Variants in SNRNP200 observed in about 807,000 individuals in gnomAD.
The protein encoded by SNRNP200 is U5 small nuclear ribonucleoprotein 200 kDa helicase.
In SNRNP200, 66 loss-of-function variants were observed where a neutral mutation model predicts 255.2. That is an observed-to-expected ratio of 0.26 (90% confidence interval 0.21 to 0.32). SNRNP200 has a LOEUF of 0.32. Among genes scored for constraint, SNRNP200 ranks in the 10% least tolerant of loss-of-function variants. The pLI is 1.00. For missense variants in SNRNP200, 1,585 were observed against 2,749.8 expected (o/e 0.58, Z 9.47); for synonymous variants, 939 against 1,027.8 (o/e 0.91, Z 1.65).
In SNRNP200 at chr2:96,298,658, C is replaced by A. The variant is rs1340691670; in HGVS notation, c.927G>T (p.Leu309=). Reference sequence around the variant, plus strand: ...TGAAATCAAAGGTGTTGAAACCAAGCAGCAGAACCAGCTGATTTTCACATT... The same window carrying A: ...TGAAATCAAAGGTGTTGAAACCAAGAAGCAGAACCAGCTGATTTTCACATT... ...DRECENQLVL[L]LGFNTFDFIK... Residue 309 remains leucine (L), a synonymous_variant, in exon 8 of 45, where the codon CTG becomes CTT. Coordinates refer to ENST00000323853, the MANE Select transcript of SNRNP200 (RefSeq NM_014014.5). 1.9e-6 allele frequency: 3 copies of A among 1,614,200 alleles called. No individual in the cohort carries two copies. Among genetic ancestry groups the A allele is most frequent in the Non-Finnish European group, 1.7e-6 (2 of 1,180,036 alleles).
intron 24 of SNRNP200, 137 bp downstream of exon 24, chr2:96,288,526 A>C (rs778271004): frequency 1.3e-6 from 1 of 767,072 alleles, no homozygotes; most frequent in Admixed American, 2.0e-5. Context: ...GCACCAACCA[A>C]CTACCCGGCA....
At position 96,284,391 on chromosome 2, in the gene SNRNP200, C is replaced by T; in HGVS notation, c.4359G>A (p.Val1453=). 6.2e-7 allele frequency: 1 copy of T among 1,614,096 alleles called. No individual in the cohort carries two copies. The highest frequency in any genetic ancestry group is 8.5e-7 in the Non-Finnish European group (1 of 1,179,982). Residue 1453 remains valine, a synonymous_variant, in exon 31 of 45, where the codon GTG becomes GTA. Transcript: ENST00000323853. ...KNVQNINLFV[V]DEVHLIGGEN... is the part of the protein sequence containing the mutation. ...CGCCCCCGATAAGGTGGACCTCATC[C>T]ACCACGAAGAGGTTGATGTTCTGCA...
rs557818805 is a variant in SNRNP200 at position 96,274,681 on chromosome 2, C to G, written c.*331G>C. On this transcript the variant is annotated 3_prime_UTR_variant, in exon 45 of 45. Coordinates refer to ENST00000323853, the MANE Select transcript of SNRNP200 (RefSeq NM_014014.5). ...ATAACCAGATCTTTTTGGCCGTGCCCTCAGGTTGGAGAAAGAAAACTTTTA... is the reference window on the plus strand; with the variant it reads ...ATAACCAGATCTTTTTGGCCGTGCCGTCAGGTTGGAGAAAGAAAACTTTTA... 8.5e-4 allele frequency: 320 copies of G among 374,828 alleles called. No individual in the cohort carries two copies. The highest frequency in any genetic ancestry group is 5.4e-3 in the Middle Eastern group (6 of 1,108). The allele number at this position is 374,828 out of a possible 1,614,324, so 23.2% of individuals were successfully genotyped here.
chr2:96,285,168 G>A lies in SNRNP200; in HGVS notation c.4164+12C>T, dbSNP rs188562252. ...TCTTGGGAAATTCACATGACACAGCGCCACGTCATACCTGCTCTGCCAGGG... is the reference window on the plus strand; with the variant it reads ...TCTTGGGAAATTCACATGACACAGCACCACGTCATACCTGCTCTGCCAGGG... On this transcript the variant is annotated intron_variant, in intron 30 of 44. Coordinates refer to ENST00000323853, the MANE Select transcript of SNRNP200 (RefSeq NM_014014.5). The A allele has an allele frequency of 2.3e-5, 37 of 1,613,740 alleles. No individual in the cohort carries two copies. Among genetic ancestry groups the A allele is most frequent in the African/African-American group, 1.3e-4 (10 of 75,032 alleles).
chr2:96,305,163 A>C (rs943949470), intron 1 of SNRNP200, among the ~76,000 whole-genome samples: 25 of 151,984 alleles, frequency 1.6e-4, no homozygotes, highest in African/African-American at 6.0e-4. Context: ...TGGAAGGGGG[A>C]GGGCTTAGCG....
chr2:96,284,811 G>A, intron 30 of SNRNP200: 1 of 564,102 alleles, frequency 1.8e-6, no homozygotes, highest in Non-Finnish European at 3.2e-6. Flanking sequence ...GTGCAGTGGT[G>A]CGAACTTGGC....
chr2:96,294,364 G>C (rs1445805899), intron 14 of SNRNP200, among the ~76,000 whole-genome samples: 1 of 152,062 alleles, frequency 6.6e-6, no homozygotes, highest in Non-Finnish European at 1.5e-5. Flanking sequence ...CTTGAACCCG[G>C]GAGGCGGAGG....
chr2:96,293,118 A>T (rs760568859), intron 15 of SNRNP200, 23 bp from the exon 16 acceptor site: 2 of 1,614,196 alleles, frequency 1.2e-6, no homozygotes, highest in South Asian at 2.2e-5. Context: ...CAGTTAGACA[A>T]ATGAGGCTTT....
chr2:96,298,060 A>G (rs191988815), intron 9 of SNRNP200, among the ~76,000 whole-genome samples: 68 of 152,348 alleles, frequency 4.5e-4, no homozygotes, highest in Non-Finnish European at 9.7e-4. Flanking sequence ...TAAATAAACA[A>G]TAAAGGTCCC....
Position 96,290,926 on chromosome 2 carries a change from G to T in SNRNP200, c.2422-111C>A. ...GAGCTTCTCTCAGGACTAGCCGGTA[G>T]GGCGCGTGGGGTCCCAGTACTTGTC... is the stretch of plus-strand genomic sequence containing the variant. On this transcript the variant is annotated intron_variant, in intron 18 of 44. Transcript: ENST00000323853. The surrounding 1 kb of genome is among the most constrained non-coding windows in gnomAD (Gnocchi z 4.5). The T allele has an allele frequency of 7.9e-7, 1 of 1,266,858 alleles. No individual in the cohort carries two copies. The highest frequency in any genetic ancestry group is 1.1e-6 in the Non-Finnish European group (1 of 881,286). 78.5% of individuals were successfully genotyped at this position (1,266,858 alleles called of 1,614,324 possible).
rs2063876697 is a variant in SNRNP200 at position 96,290,336 on chromosome 2, T to G, written c.2732A>C (p.Gln911Pro). 6.2e-7 allele frequency: 1 copy of G among 1,613,978 alleles called. No individual in the cohort carries two copies. Among genetic ancestry groups the G allele is most frequent in the Non-Finnish European group, 8.5e-7 (1 of 1,180,036 alleles). The change falls in exon 20 of 45, where the codon CAG (glutamine) becomes CCG (proline). Residue 911 changes from glutamine to proline, a missense_variant. This residue lies in a region of SNRNP200 where 719 missense variants were observed against 1,091.1 expected (regional missense o/e 0.66). Coordinates refer to ENST00000323853, the MANE Select transcript of SNRNP200 (RefSeq NM_014014.5). This position sits in a 1 kb window ranked among gnomAD's most constrained non-coding sequence, Gnocchi z 4.5. ...LNAEIVLGNV[Q>P]NAKDAVNWLG... ...GCAGTCCTCCCCTACCTTGGCATTC[T>G]GGACATTTCCTAGCACGATTTCTGC...
chr2:96,276,754 AC>A (rs777329029), intron 43 of SNRNP200, 149 bp downstream of exon 43: 1 of 852,168 alleles, frequency 1.2e-6, no homozygotes. Flanking sequence ...CAGAAAAAAA[AC>A]CCCATAGCCT....
chr2:96,297,117 A>G (rs754652812), intron 11 of SNRNP200, 47 bp from the exon 12 acceptor site: 2 of 1,613,760 alleles, frequency 1.2e-6, no homozygotes, highest in Non-Finnish European at 1.7e-6. Context: ...AGCATCCTTG[A>G]GCAAAACGTT....
rs770633757 is a variant in SNRNP200, at chr2:96,289,806, T to G, written c.2933A>C (p.Asn978Thr). ...NLVKYDKKTG[N>T]FQVTELGRIA... ...AACCCTCACCCCACGCACCTGGAAG[T>G]TGCCCGTCTTCTTGTCGTACTTGAC... is the stretch of plus-strand genomic sequence containing the variant. Residue 978 changes from asparagine to threonine, a missense_variant, in exon 21 of 45, where the codon AAC becomes ACC. This residue lies in a region of SNRNP200 where 719 missense variants were observed against 1,091.1 expected (regional missense o/e 0.66). Transcript: ENST00000323853. 8 of 1,614,076 alleles carry G rather than the reference T, an allele frequency of 5.0e-6. 1 individual carries two copies. The East Asian group carries it at 1.8e-4, about 36-fold the overall frequency.
At position 96,289,257 on chromosome 2, in the gene SNRNP200, G is replaced by A. The variant is rs150178118; in HGVS notation, c.3063C>T (p.Ser1021=). ...TCACTGTGATGTTCTTGAACTCAGA[G>A]GACAATGAGAAGACCCTGAAAAGCT... ...EIELFRVFSL[S]SEFKNITVRE... The change falls in exon 22 of 45, where the codon TCC becomes TCT. Residue 1021 remains serine, a synonymous_variant. Transcript: ENST00000323853. 2.5e-6 allele frequency: 4 copies of A among 1,614,224 alleles called. No homozygotes were observed. Among genetic ancestry groups the A allele is most frequent in the Middle Eastern group, 1.6e-4 (1 of 6,062 alleles).
chr2:96,296,625 C>G lies in SNRNP200; in HGVS notation c.1582G>C (p.Asp528His), dbSNP rs1279282051. ...AAGTCATCCACATTGATGGTGCCGT[C>G]CATGTTTATGTGTTTCCCAATCTCT... ...LREIGKHINM[D>H]GTINVDDFKI... The change falls in exon 13 of 45, where the codon GAC becomes CAC. Residue 528 changes from aspartate to histidine, a missense_variant. Physicochemically the swap from Asp to His is moderately conservative, Grantham distance 81 (BLOSUM62 -1). Transcript: ENST00000323853. 1.7e-5 allele frequency: 27 copies of G among 1,614,042 alleles called. No individual in the cohort carries two copies. The highest frequency in any genetic ancestry group is 2.2e-5 in the Non-Finnish European group (26 of 1,180,030).
chr2:96,302,948 C>A (rs984908383), intron 3 of SNRNP200, among the ~76,000 whole-genome samples: 15 of 152,086 alleles, frequency 9.9e-5, no homozygotes, highest in Non-Finnish European at 1.8e-4. Context: ...AAACCTAGTC[C>A]TTTTGGGGTT....
In SNRNP200 at chr2:96,283,316, G is replaced by A; in HGVS notation, c.4800C>T (p.Tyr1600=). The A allele has an allele frequency of 1.9e-6, 3 of 1,614,064 alleles. No individual in the cohort carries two copies. Among genetic ancestry groups the A allele is most frequent in the African/African-American group, 1.3e-5 (1 of 75,006 alleles). ...GCGTGCTGTCACTTAGCTTCTCCAG[G>A]TACGGAATCAGATCCTTCTCGGTGC... ...LHCTEKDLIP[Y]LEKLSDSTLK... is the part of the protein sequence containing the mutation. Residue 1600 remains tyrosine, a synonymous_variant, in exon 34 of 45, where the codon TAC becomes TAT. Transcript: ENST00000323853. This position sits in a 1 kb window ranked among gnomAD's most constrained non-coding sequence, Gnocchi z 4.7.
At chr2:96,297,788 C>A in intron 9 of SNRNP200, 68 bp from the exon 10 acceptor site, 2 of 1,555,640 alleles carry the variant, frequency 1.3e-6, no homozygotes, top group South Asian at 1.1e-5. Context: ...TCCTTTTCTG[C>A]CCCTGCTTAG....
Sources: allele counts gnomAD v4.1 joint callset (sites outside exome capture counted in the v4.1 genomes callset), GRCh38; gene constraint gnomAD v4.1.1; regional missense constraint gnomAD v4.1.1; non-coding constraint Gnocchi (gnomAD v3.1); transcripts MANE v1.5; gene names NCBI Gene and HGNC (gene_info 2026-07-23, HGNC 2026-07-21).